The following MAST4 variants were observed in gnomAD, a reference collection of about 807,000 sequenced individuals.
The protein encoded by MAST4 is microtubule-associated serine/threonine-protein kinase 4.
In MAST4, 89 loss-of-function variants were observed where a neutral mutation model predicts 162.7. That is an observed-to-expected ratio of 0.55 (90% CI 0.46 to 0.65). The LOEUF (loss-of-function observed/expected upper bound fraction) is 0.65. Ranked by LOEUF, MAST4 falls within the 30% of genes least tolerant of loss-of-function variation. The probability of loss-of-function intolerance (pLI) is 0.00; values close to 1 mark genes in which losing one functional copy is unlikely to be tolerated. For synonymous variants in MAST4, 1,479 were observed against 1,361.1 expected (o/e 1.09, Z -1.91); for missense variants, 3,153 against 3,374.0 (o/e 0.93, Z 1.62).
At chr5:66,838,721 T>C (rs1013480052) in intron 3 of MAST4, among the ~76,000 whole-genome samples, 1 of 152,158 alleles carries the variant, frequency 6.6e-6, no homozygotes, top group Admixed American at 6.5e-5. Context: ...TTAGGCAAGA[T>C]GAGGATTCTA....
intron 1 of MAST4, among the ~76,000 whole-genome samples, chr5:66,675,300 G>A (rs1222682585): frequency 6.6e-6 from 1 of 152,162 alleles, no homozygotes; most frequent in African/African-American, 2.4e-5. Flanking sequence ...TCAAACATAG[G>A]AAGGGTGTTC....
chr5:66,737,592 C>T (rs1468609125), intron 1 of MAST4, among the ~76,000 whole-genome samples: 1 of 152,092 alleles, frequency 6.6e-6, no homozygotes, highest in East Asian at 1.9e-4. Context: ...TACTTTGATC[C>T]CTTCTGTCTT....
chr5:66,920,528 T>C (rs1764462555), intron 4 of MAST4, among the ~76,000 whole-genome samples: 1 of 152,212 alleles, frequency 6.6e-6, no homozygotes, highest in Admixed American at 6.5e-5. Flanking sequence ...TCTCTTATAA[T>C]ACCTACACTG....
chr5:67,012,194 TAGAG>T (rs146078311), intron 4 of MAST4, among the ~76,000 whole-genome samples: 3,390 of 152,306 alleles, frequency 0.022, 53 homozygotes, highest in African/African-American at 0.043. Context: ...AGCTTCAAGA[TAGAG>T]ACCATTTGCC....
intron 3 of MAST4, among the ~76,000 whole-genome samples, chr5:66,824,591 T>C (rs1459884464): frequency 6.6e-6 from 1 of 152,230 alleles, no homozygotes; most frequent in South Asian, 2.1e-4. Context: ...TTGCTTACTT[T>C]GGGGTAACCA....
At chr5:66,863,930 A>G (rs905675975) in intron 3 of MAST4, among the ~76,000 whole-genome samples, 14 of 152,196 alleles carry the variant, frequency 9.2e-5, no homozygotes, top group Admixed American at 7.2e-4. Context: ...CCTTAATCAA[A>G]TTCTTCTCAA....
chr5:67,044,272 G>A lies in MAST4; in HGVS notation c.675-10132G>A, dbSNP rs961834376. On this transcript the variant is annotated intron_variant, in intron 4 of 28. Transcript: ENST00000403625. Reference sequence around the variant, plus strand: ...AATCTGAAATCCAAAAGCCATCTCCGTCATTGACTCTCCCAGCCCTTGAGG... The same window carrying A: ...AATCTGAAATCCAAAAGCCATCTCCATCATTGACTCTCCCAGCCCTTGAGG... Among the ~76,000 whole-genome samples, 7 of 151,952 alleles carry A rather than the reference G, an allele frequency of 4.6e-5. No individual in the cohort carries two copies. The East Asian group carries it at 5.8e-4, about 13-fold the overall frequency.
At chr5:66,917,132 C>T (rs1400292586) in intron 4 of MAST4, 2 of 657,630 alleles carry the variant, frequency 3.0e-6, no homozygotes, top group African/African-American at 1.8e-5. Flanking sequence ...ATGTCACTGC[C>T]CTTAATTCTT....
chr5:66,938,043 TATTA>T (rs1382310316), intron 4 of MAST4, among the ~76,000 whole-genome samples: 1 of 152,274 alleles, frequency 6.6e-6, no homozygotes, highest in African/African-American at 2.4e-5. Flanking sequence ...GTTATATTTA[TATTA>T]ATTCTAATAG....
chr5:67,166,172 A>C lies in MAST4; in HGVS notation c.6993A>C (p.Pro2331=). 6.4e-7 allele frequency: 1 copy of C among 1,557,068 alleles called. No individual in the cohort carries two copies. The highest frequency in any genetic ancestry group is 1.2e-5 in the South Asian group (1 of 84,680). The change falls in exon 29 of 29, where the codon CCA becomes CCC. Residue 2331 remains proline, a synonymous_variant. Coordinates refer to ENST00000403625, the MANE Select transcript of MAST4 (RefSeq NM_001164664.2). The part of the protein sequence containing the change: ...SAVGEKQTLS[P]KHPKPSTVKD... ...TTGGTGAAAAGCAAACCCTGTCTCC[A>C]AAGCACCCCAAACCATCCACTGTGA... is the stretch of plus-strand genomic sequence containing the variant.
chr5:67,079,962 AG>A (rs1410090663), intron 5 of MAST4, among the ~76,000 whole-genome samples: 4 of 152,138 alleles, frequency 2.6e-5, no homozygotes, highest in African/African-American at 7.2e-5. Flanking sequence ...GCAAAAGGGG[AG>A]GGAAAAGTGG....
intron 2 of MAST4, among the ~76,000 whole-genome samples, chr5:66,760,744 T>G (rs1015573026): frequency 6.6e-6 from 1 of 152,202 alleles, no homozygotes; most frequent in African/African-American, 2.4e-5. Context: ...TTTATAAAAT[T>G]AGGTTCTAGT....
chr5:66,920,510 AAT>A (rs1764461457), intron 4 of MAST4, among the ~76,000 whole-genome samples: 1 of 152,168 alleles, frequency 6.6e-6, no homozygotes, highest in African/African-American at 2.4e-5. Context: ...AAGTGTTATT[AAT>A]ATGTTTCTCT....
At chr5:67,044,186 A>T (rs1458278114) in intron 4 of MAST4, among the ~76,000 whole-genome samples, 1 of 152,000 alleles carries the variant, frequency 6.6e-6, no homozygotes, top group Non-Finnish European at 1.5e-5. Context: ...CTCTCTTCCC[A>T]TCTTCATCTC....
At chr5:67,118,938 G>C (rs1290013783) in intron 13 of MAST4, among the ~76,000 whole-genome samples, 189 bp downstream of exon 13, 5 of 152,190 alleles carry the variant, frequency 3.3e-5, no homozygotes, top group Admixed American at 3.3e-4. Flanking sequence ...ATTTGCCATA[G>C]TCTGTCCAGT....
At chr5:66,847,507 G>T (rs753731218) in intron 3 of MAST4, among the ~76,000 whole-genome samples, 1 of 152,114 alleles carries the variant, frequency 6.6e-6, no homozygotes, top group Non-Finnish European at 1.5e-5. Flanking sequence ...GGTAGTGGAC[G>T]CCTGTAATTC....
At chr5:67,069,835 G>A (rs1294703546) in intron 5 of MAST4, among the ~76,000 whole-genome samples, 1 of 151,930 alleles carries the variant, frequency 6.6e-6, no homozygotes, top group African/African-American at 2.4e-5. Context: ...AGAGTGACCG[G>A]CCAGTGTCTG....
chr5:66,952,683 G>A (rs1263019041), intron 4 of MAST4, among the ~76,000 whole-genome samples: 1 of 152,030 alleles, frequency 6.6e-6, no homozygotes, highest in African/African-American at 2.4e-5. Context: ...TCACACACAC[G>A]GCCTTTCTGA....
chr5:66,635,540 T>A (rs916055734), intron 1 of MAST4, among the ~76,000 whole-genome samples: 1 of 152,214 alleles, frequency 6.6e-6, no homozygotes, highest in African/African-American at 2.4e-5. Flanking sequence ...GAATATGAAC[T>A]GGAATCAGGT....
Sources: gnomAD v4.1 joint callset for allele counts (sites outside exome capture counted in the v4.1 genomes callset) on GRCh38, gnomAD v4.1.1 for gene constraint, MANE v1.5 for transcripts, NCBI Gene and HGNC (gene_info 2026-07-23, HGNC 2026-07-21) for gene names.